Variants in PPP2R2B observed in about 807,000 individuals in gnomAD.
The protein encoded by PPP2R2B is serine/threonine-protein phosphatase 2A 55 kDa regulatory subunit B beta isoform.
In PPP2R2B, 5 loss-of-function variants were observed where a neutral mutation model predicts 46.0. The observed-to-expected ratio is 0.11, with a 90% CI of 0.06 to 0.23. The LOEUF (loss-of-function observed/expected upper bound fraction) is 0.23. Among genes scored for constraint, PPP2R2B ranks in the 10% least tolerant of loss-of-function variants. The pLI is 1.00. For synonymous variants in PPP2R2B, 215 were observed against 206.7 expected (o/e 1.04, Z -0.34); for missense variants, 367 against 575.0 (o/e 0.64, Z 3.70).
chr5:146,762,356 T>C (rs750757239), intron 2 of PPP2R2B, among the ~76,000 whole-genome samples: 3 of 152,164 alleles, frequency 2.0e-5, no homozygotes, highest in South Asian at 2.1e-4. Context: ...ATCTATTAAA[T>C]GGAGAAGAAA....
At chr5:146,999,793 TCA>T (rs2151868138) in intron 1 of PPP2R2B, among the ~76,000 whole-genome samples, 1 of 152,284 alleles carries the variant, frequency 6.6e-6, no homozygotes, top group East Asian at 1.9e-4. Flanking sequence ...AGATAAATCC[TCA>T]GATGTGCTGC....
At chr5:146,849,401 C>T (rs920052185) in intron 2 of PPP2R2B, among the ~76,000 whole-genome samples, 13 of 152,304 alleles carry the variant, frequency 8.5e-5, no homozygotes, top group African/African-American at 3.1e-4. Context: ...TCTGTAAATT[C>T]TCACTCCACT....
intron 1 of PPP2R2B, among the ~76,000 whole-genome samples, chr5:146,891,712 AG>A (rs1181080332): frequency 6.6e-6 from 1 of 152,210 alleles, no homozygotes; most frequent in Non-Finnish European, 1.5e-5. Context: ...AGACCAACCA[AG>A]TGTGAACTAA....
At chr5:147,023,835 G>GA (rs879505186) in intron 1 of PPP2R2B, among the ~76,000 whole-genome samples, 57 of 145,068 alleles carry the variant, frequency 3.9e-4, no homozygotes, top group South Asian at 4.4e-4. Flanking sequence ...GGCCCAGACA[G>GA]AAAAAAAAAA....
chr5:146,844,268 G>C (rs1759847949), intron 2 of PPP2R2B, among the ~76,000 whole-genome samples: 1 of 150,620 alleles, frequency 6.6e-6, no homozygotes, highest in Non-Finnish European at 1.5e-5. Context: ...ACACGTTAGT[G>C]GGTGCAGCGC....
chr5:146,633,114 G>A (rs1337994817), intron 7 of PPP2R2B, among the ~76,000 whole-genome samples: 6 of 152,142 alleles, frequency 3.9e-5, no homozygotes, highest in Non-Finnish European at 7.3e-5. Context: ...TGCAAACAAA[G>A]CCCTGTCACT....
In PPP2R2B at chr5:146,600,342, G is replaced by C. The variant is rs757541383; in HGVS notation, c.909C>G (p.Thr303=). The C allele has an allele frequency of 1.7e-5, 28 of 1,613,652 alleles. No individual in the cohort carries two copies. Among genetic ancestry groups the C allele is most frequent in the Non-Finnish European group, 2.3e-5 (27 of 1,179,886 alleles). ...GRYIMTRDYL[T]VKVWDLNMEN... ...CCATGTTGAGATCCCAGACTTTGAC[G>C]GTCAAGTAGTCCCTGGTCATGATAT... The change falls in exon 8 of 10, where the codon ACC becomes ACG. Residue 303 remains threonine (T), a synonymous_variant. Transcript: ENST00000394411.
intron 2 of PPP2R2B, among the ~76,000 whole-genome samples, chr5:146,849,601 A>G (rs1448880816): frequency 1.3e-5 from 2 of 152,198 alleles, no homozygotes; most frequent in African/African-American, 2.4e-5. Flanking sequence ...AAAGACTAAA[A>G]TCACAACAAT....
rs957590116 is a variant in PPP2R2B, at chr5:146,857,592, A to G, written c.70+20410T>C. The stretch of plus-strand genomic sequence containing the variant: ...AGCCAGTACTGATACTGGATCAAAG[A>G]TTAAGGTTAGTGTATTAACTTATTT... On this transcript the variant is annotated intron_variant, in intron 2 of 9. Transcript: ENST00000394411. Among the ~76,000 whole-genome samples the G allele has an allele frequency of 4.6e-5, 7 of 152,354 alleles. No homozygotes were observed. In the East Asian group the frequency reaches 1.3e-3, roughly 29 times the overall value.
intron 1 of PPP2R2B, among the ~76,000 whole-genome samples, chr5:146,983,362 A>C (rs1582545195): frequency 6.6e-6 from 1 of 151,744 alleles, no homozygotes; most frequent in Non-Finnish European, 1.5e-5. Flanking sequence ...TTGTATTTTT[A>C]GTAGAGACGG....
chr5:146,685,974 G>A (rs372451824), intron 5 of PPP2R2B, among the ~76,000 whole-genome samples: 1 of 151,918 alleles, frequency 6.6e-6, no homozygotes, highest in Non-Finnish European at 1.5e-5. Flanking sequence ...AAACATTCCT[G>A]CCCCATGGTC....
chr5:146,755,786 C>T (rs889343540), intron 2 of PPP2R2B, among the ~76,000 whole-genome samples: 17 of 152,150 alleles, frequency 1.1e-4, no homozygotes, highest in African/African-American at 3.6e-4. Context: ...TTTTCAACTT[C>T]GAGCCTGGGG....
intron 9 of PPP2R2B, among the ~76,000 whole-genome samples, chr5:146,591,231 A>ATGAT (rs1267387989): frequency 6.6e-6 from 1 of 152,138 alleles, no homozygotes; most frequent in African/African-American, 2.4e-5. Context: ...TATTTCTCAA[A>ATGAT]TGATTTGGGA....
intron 6 of PPP2R2B, among the ~76,000 whole-genome samples, chr5:146,649,004 A>G (rs555793983): frequency 6.6e-6 from 1 of 152,298 alleles, no homozygotes; most frequent in Non-Finnish European, 1.5e-5. Flanking sequence ...CAGGGAAGGA[A>G]TGATATTTGA....
In PPP2R2B at chr5:146,597,035, C is replaced by A. The variant is rs557083477; in HGVS notation, c.960+3256G>T. Among the ~76,000 whole-genome samples, 33 of 152,282 alleles carry A rather than the reference C, an allele frequency of 2.2e-4. 2 individuals are homozygous for A. The South Asian group carries it at 6.6e-3, about 31-fold the overall frequency. On this transcript the variant is annotated intron_variant, in intron 8 of 9. Transcript: ENST00000394411. ...CACATGCCAGTGTTGGGTAGCTGGG[C>A]TCCTTGTTGCTCCAGACAACTATTC...
At chr5:146,729,118 T>C (rs1174967107) in intron 2 of PPP2R2B, among the ~76,000 whole-genome samples, 2 of 152,200 alleles carry the variant, frequency 1.3e-5, no homozygotes, top group African/African-American at 2.4e-5. Context: ...GATAGCGATA[T>C]GGACAATAAA....
intron 1 of PPP2R2B, among the ~76,000 whole-genome samples, chr5:146,937,495 A>T (rs1462013232): frequency 6.6e-6 from 1 of 152,144 alleles, no homozygotes; most frequent in Non-Finnish European, 1.5e-5. Context: ...AGTACTGTGG[A>T]AGAACTGTGG....
intron 8 of PPP2R2B, among the ~76,000 whole-genome samples, chr5:146,596,086 C>T (rs1771141874): frequency 6.6e-6 from 1 of 152,188 alleles, no homozygotes; most frequent in Non-Finnish European, 1.5e-5. Flanking sequence ...AGCTACTCAA[C>T]TCTGCCATTG....
intron 2 of PPP2R2B, among the ~76,000 whole-genome samples, chr5:146,782,774 C>T (rs1259258835): frequency 1.3e-5 from 2 of 150,804 alleles, no homozygotes; most frequent in Non-Finnish European, 2.9e-5. Context: ...ATGTAAAATG[C>T]TTGAACTTAA....
Sources: allele counts gnomAD v4.1 joint callset (sites outside exome capture counted in the v4.1 genomes callset), GRCh38; gene constraint gnomAD v4.1.1; transcripts MANE v1.5; gene names NCBI Gene and HGNC (gene_info 2026-07-23, HGNC 2026-07-21).